Variants in AUTS2 observed in about 807,000 individuals in gnomAD.
The protein encoded by AUTS2 is autism susceptibility gene 2 protein.
A neutral mutation model predicts 112.4 loss-of-function variants in AUTS2; 17 were observed. The ratio of observed to expected loss-of-function variants is 0.15; its 90% CI spans 0.10 to 0.23. AUTS2 has a LOEUF of 0.23. AUTS2 is among the 10% of genes least tolerant of loss of function. The pLI, the probability that AUTS2 is intolerant of heterozygous loss-of-function variation, is 1.00. For synonymous variants in AUTS2, 751 were observed against 702.7 expected, an observed-to-expected ratio of 1.07 and a Z score of -1.09; for missense variants, 1,510 against 1,701.6, an observed-to-expected ratio of 0.89 and a Z score of 1.98.
At chr7:69,655,898 C>G (rs1039202688) in intron 1 of AUTS2, among the ~76,000 whole-genome samples, 2 of 152,152 alleles carry the variant, frequency 1.3e-5, no homozygotes, top group African/African-American at 4.8e-5. Flanking sequence ...TTGCAGTCAG[C>G]CCTGCTAGGC....
intron 1 of AUTS2, among the ~76,000 whole-genome samples, chr7:69,699,167 GATGGGCATTTTTGCTGGTATCTTAT>G (rs1797688184): frequency 6.6e-6 from 1 of 152,158 alleles, no homozygotes; most frequent in East Asian, 1.9e-4. Context: ...TCATGGGATT[GATGGGCATTTTTGCTGGTATCTTAT>G]TATTGTTCAT....
chr7:70,280,382 C>T (rs1457641810), intron 4 of AUTS2, among the ~76,000 whole-genome samples: 1 of 149,088 alleles, frequency 6.7e-6, no homozygotes, highest in Admixed American at 6.7e-5. Flanking sequence ...CTCCCGGGTT[C>T]AAGCGATTCT....
intron 1 of AUTS2, among the ~76,000 whole-genome samples, chr7:69,610,206 A>T (rs1292622462): frequency 2.0e-5 from 3 of 152,232 alleles, no homozygotes; most frequent in Non-Finnish European, 4.4e-5. Flanking sequence ...CTGTCCTATA[A>T]ATAACACATG....
At chr7:70,225,841 A>G (rs987775748) in intron 4 of AUTS2, among the ~76,000 whole-genome samples, 33 of 152,046 alleles carry the variant, frequency 2.2e-4, no homozygotes, top group African/African-American at 7.2e-4. Context: ...TCTTTTCTCA[A>G]TTTGGTTCAA....
chr7:70,136,956 G>C (rs745531793), intron 4 of AUTS2, among the ~76,000 whole-genome samples: 1 of 152,116 alleles, frequency 6.6e-6, no homozygotes. Context: ...TACATGTGCA[G>C]GTGTGTGTGC....
At position 70,168,210 on chromosome 7, in the gene AUTS2, G is replaced by T. The variant is rs987983151; in HGVS notation, c.660+33639G>T. Among the ~76,000 whole-genome samples the T allele has an allele frequency of 4.6e-5, 7 of 152,168 alleles. No homozygotes were observed. In the East Asian group the frequency reaches 1.3e-3, roughly 29 times the overall value. ...TTGTAATTGAACTCGTTGATCTTCA[G>T]ATGTGAATTGGTTCTTCAGATCTGT... On this transcript the variant is annotated intron_variant, in intron 4 of 18. Coordinates refer to ENST00000342771, the MANE Select transcript of AUTS2 (RefSeq NM_015570.4).
intron 4 of AUTS2, among the ~76,000 whole-genome samples, chr7:70,195,705 A>G (rs565878927): frequency 3.3e-5 from 5 of 152,316 alleles, no homozygotes; most frequent in African/African-American, 1.2e-4. Context: ...AGTAGAAGAC[A>G]ATGGGAGACA....
chr7:69,691,817 G>A (rs541446326), intron 1 of AUTS2, among the ~76,000 whole-genome samples: 115 of 152,280 alleles, frequency 7.6e-4, no homozygotes, highest in African/African-American at 2.7e-3. Flanking sequence ...TCATCAGTGG[G>A]ACCCAAGGCA....
Position 69,927,186 on chromosome 7 carries a change from T to TTTTATATATATATA in AUTS2, c.522+27689_522+27690insTTATATATATATAT, listed in dbSNP as rs369873035. On this transcript the variant is annotated intron_variant, in intron 2 of 18. Coordinates refer to ENST00000342771, the MANE Select transcript of AUTS2 (RefSeq NM_015570.4). The stretch of plus-strand genomic sequence containing the variant: ...TTGAATGGAAAATACTCCAATATAT[T>TTTTATATATATATA]TATATATATATATATATATACATAC... Among the ~76,000 whole-genome samples, 3 of 142,410 alleles carry TTTTATATATATATA rather than the reference T, an allele frequency of 2.1e-5. No homozygotes were observed. The East Asian group carries it at 6.1e-4, about 29-fold the overall frequency. The allele number at this position is 142,410 out of a possible 152,430, so 93.4% of individuals were successfully genotyped here.
At position 70,267,911 on chromosome 7, in the gene AUTS2, C is replaced by T. The variant is rs542477151; in HGVS notation, c.660+133340C>T. Among the ~76,000 whole-genome samples, 17 of 152,252 alleles carry T rather than the reference C, an allele frequency of 1.1e-4. No individual in the cohort carries two copies. In the East Asian group the frequency reaches 2.5e-3, roughly 23 times the overall value. Reference sequence around the variant, plus strand: ...ATGCAGACTGTGAAATCTGAGGAAACGCTGCTTAAACCCAGACTTATTGCC... The same window carrying T: ...ATGCAGACTGTGAAATCTGAGGAAATGCTGCTTAAACCCAGACTTATTGCC... On this transcript the variant is annotated intron_variant, in intron 4 of 18. Coordinates refer to ENST00000342771, the MANE Select transcript of AUTS2 (RefSeq NM_015570.4).
At chr7:70,134,805 A>G (rs963145641) in intron 4 of AUTS2, among the ~76,000 whole-genome samples, 9 of 152,174 alleles carry the variant, frequency 5.9e-5, no homozygotes, top group African/African-American at 2.2e-4. Context: ...CGCCCAGGAC[A>G]TTAAGCTCCT....
intron 4 of AUTS2, among the ~76,000 whole-genome samples, chr7:70,340,850 A>C (rs1225312055): frequency 6.6e-6 from 1 of 152,218 alleles, no homozygotes; most frequent in Non-Finnish European, 1.5e-5. Context: ...GGGACTGCAA[A>C]TTCTTTTTGG....
chr7:70,585,756 T>C (rs1349170418), intron 5 of AUTS2, among the ~76,000 whole-genome samples: 16 of 152,144 alleles, frequency 1.1e-4, no homozygotes, highest in Admixed American at 1.0e-3. Context: ...GAATAACCCC[T>C]AATGGGACCA....
chr7:70,779,004 A>G (rs541102196), intron 14 of AUTS2, among the ~76,000 whole-genome samples: 4 of 152,338 alleles, frequency 2.6e-5, no homozygotes, highest in Admixed American at 2.0e-4. Context: ...CCTCTTGAAC[A>G]TGAGATAACT....
chr7:70,394,801 C>T (rs572015694), intron 4 of AUTS2, among the ~76,000 whole-genome samples: 17 of 151,134 alleles, frequency 1.1e-4, no homozygotes, highest in South Asian at 2.1e-4. Context: ...CTATTAGCCA[C>T]GTGTTGTGGC....
rs571921874 is a variant in AUTS2, at chr7:69,924,548, CT to C, written c.522+25062del. Among the ~76,000 whole-genome samples, 1,334 of 142,568 alleles carry C rather than the reference CT, an allele frequency of 9.4e-3. 18 individuals carry two copies. Among genetic ancestry groups the C allele is most frequent in the South Asian group, 0.059 (266 of 4,532 alleles). 93.5% of individuals were successfully genotyped at this position (142,568 alleles called of 152,430 possible). A position where few individuals can be genotyped will look rare whatever the true frequency, so the allele number is the denominator to read the frequency against. ...TTTCTTTTCTTTCTTTCTTTCTTTT[CT>C]TTTTTTTTTTTCTTTTTTTGAGACA... On this transcript the variant is annotated intron_variant, in intron 2 of 18. Transcript: ENST00000342771.
chr7:70,488,610 G>A (rs919907074), intron 5 of AUTS2, among the ~76,000 whole-genome samples: 10 of 152,108 alleles, frequency 6.6e-5, no homozygotes, highest in Admixed American at 2.6e-4. Flanking sequence ...GCAACCTGCC[G>A]TCCTCAACCC....
At chr7:70,488,752 TA>T (rs1474817607) in intron 5 of AUTS2, among the ~76,000 whole-genome samples, 1 of 152,108 alleles carries the variant, frequency 6.6e-6, no homozygotes, top group Non-Finnish European at 1.5e-5. Flanking sequence ...CCTTCCTAAA[TA>T]GCCTAAGGGA....
At chr7:69,855,818 GGCCCCTTAGCCAGGCTTCCACCCTCT>G (rs1198421993) in intron 1 of AUTS2, among the ~76,000 whole-genome samples, 2 of 152,116 alleles carry the variant, frequency 1.3e-5, no homozygotes, top group Non-Finnish European at 2.9e-5. Context: ...TTGCTGTGAG[GGCCCCTTAGCCAGGCTTCCACCCTCT>G]GCCTCTTCAG....
Sources: gnomAD v4.1 joint callset for allele counts (sites outside exome capture counted in the v4.1 genomes callset) on GRCh38, gnomAD v4.1.1 for gene constraint, MANE v1.5 for transcripts, NCBI Gene and HGNC (gene_info 2026-07-23, HGNC 2026-07-21) for gene names.